CRYM: variants seen among roughly 807,000 people sequenced by gnomAD.
CRYM encodes crystallin mu.
CRYM carries 18 observed loss-of-function variants against 32.9 expected under a neutral mutation model. The ratio of observed to expected loss-of-function variants is 0.55; its 90% CI spans 0.38 to 0.81. The LOEUF is 0.81. CRYM is among the 30% of genes least tolerant of loss of function. CRYM has a pLI of 0.00. For missense variants in CRYM, 337 were observed against 393.5 expected (o/e 0.86, Z 1.21); for synonymous variants, 153 against 152.4 (o/e 1.00, Z -0.03).
At chr16:21,278,451 TGGG>T (rs1597622307), upstream of CRYM, 14 of 628,392 alleles carry the variant, frequency 2.2e-5, no homozygotes, top group East Asian at 3.8e-4. Context: ...GTGGGCGAGA[TGGG>T]TCCCTTCCAG....
At chr16:21,271,230 A>G (rs1271862636) in intron 3 of CRYM, among the ~76,000 whole-genome samples, 1 of 152,044 alleles carries the variant, frequency 6.6e-6, no homozygotes, top group East Asian at 1.9e-4. Flanking sequence ...GGGAACTAAA[A>G]ACGTCTGCAC....
intron 1 of CRYM, chr16:21,283,915 A>G (rs926296704): frequency 2.0e-5 from 3 of 152,736 alleles, no homozygotes; most frequent in Admixed American, 6.5e-5. Flanking sequence ...AGGAGCCCCA[A>G]CCAGATGGAC....
intron 1 of CRYM, among the ~76,000 whole-genome samples, chr16:21,296,545 CT>C (rs1028508436): frequency 1.6e-4 from 24 of 152,300 alleles, no homozygotes; most frequent in African/African-American, 5.8e-4. Context: ...AAACTGACCC[CT>C]AATCACTAAC....
chr16:21,294,547 C>T (rs967166326), intron 1 of CRYM, among the ~76,000 whole-genome samples: 1 of 152,044 alleles, frequency 6.6e-6, no homozygotes, highest in Non-Finnish European at 1.5e-5. Flanking sequence ...GTTCCCCTCC[C>T]TGTGCCCATG....
At chr16:21,263,958 T>G (rs745970877) in intron 5 of CRYM, among the ~76,000 whole-genome samples, 3 of 152,284 alleles carry the variant, frequency 2.0e-5, no homozygotes, top group Non-Finnish European at 2.9e-5. Flanking sequence ...GAAATCTATT[T>G]GCATATGTCA....
chr16:21,290,403 C>A (rs1339509673), intron 1 of CRYM, among the ~76,000 whole-genome samples: 1 of 152,032 alleles, frequency 6.6e-6, no homozygotes, highest in Admixed American at 6.6e-5. Flanking sequence ...TCAGCAAGAC[C>A]ACAAACCCAC....
chr16:21,262,177 G>T lies in CRYM; in HGVS notation c.674-19C>A. On this transcript the variant is annotated intron_variant, in intron 5 of 7. Transcript: ENST00000572914. Reference sequence around the variant, plus strand: ...CCAACAGCTAAGAGACAGCAAAACAGACCTTAAGCCCAGGATTAGTGCCAA... The same window carrying T: ...CCAACAGCTAAGAGACAGCAAAACATACCTTAAGCCCAGGATTAGTGCCAA... 6.2e-7 allele frequency: 1 copy of T among 1,613,876 alleles called. No individual in the cohort carries two copies. Among genetic ancestry groups the T allele is most frequent in the South Asian group, 1.1e-5 (1 of 91,026 alleles).
chr16:21,280,595 C>T (rs1335505403), upstream of CRYM, among the ~76,000 whole-genome samples: 1 of 152,108 alleles, frequency 6.6e-6, no homozygotes, highest in Admixed American at 6.5e-5. Context: ...GATCACAAGA[C>T]TGACAGAACA....
chr16:21,301,014 C>CA (rs1171785194), intron 1 of CRYM: 1 of 306 alleles, frequency 3.3e-3, no homozygotes, highest in Admixed American at 0.056. Context: ...ACAGAAGCCG[C>CA]AGGGCTGCGC....
At chr16:21,294,242 C>T (rs539124950) in intron 1 of CRYM, among the ~76,000 whole-genome samples, 7 of 152,312 alleles carry the variant, frequency 4.6e-5, no homozygotes, top group East Asian at 1.9e-4. Context: ...CAGGAGTGGT[C>T]GTGGTCTTGA....
chr16:21,300,886 T>C (rs541936482), intron 1 of CRYM: 22 of 152,296 alleles, frequency 1.4e-4, no homozygotes, highest in Admixed American at 3.9e-4. Context: ...GAGCAAGCAT[T>C]ATAGAACGTG....
At chr16:21,297,214 G>A (rs2152865803) in intron 1 of CRYM, among the ~76,000 whole-genome samples, 1 of 151,470 alleles carries the variant, frequency 6.6e-6, no homozygotes, top group East Asian at 2.0e-4. Flanking sequence ...TCAACATGGT[G>A]AAACCCCATC....
At chr16:21,284,145 T>G (rs1359241290) in intron 1 of CRYM, 5 of 151,980 alleles carry the variant, frequency 3.3e-5, no homozygotes, top group Non-Finnish European at 7.4e-5. Context: ...TTAACTTTTT[T>G]TTTTTTTTGG....
chr16:21,263,905 T>C (rs1371174807), intron 5 of CRYM, among the ~76,000 whole-genome samples: 1 of 152,236 alleles, frequency 6.6e-6, no homozygotes, highest in Non-Finnish European at 1.5e-5. Flanking sequence ...GTAGATCCAC[T>C]GTTACCAGAT....
chr16:21,262,310 T>C (rs2093356087), intron 5 of CRYM, 152 bp from the exon 6 acceptor site: 1 of 872,034 alleles, frequency 1.1e-6, no homozygotes, highest in East Asian at 2.9e-5. Context: ...TCCCAATCAG[T>C]AGGACGAAAT....
intron 1 of CRYM, among the ~76,000 whole-genome samples, chr16:21,286,262 G>C (rs2093407052): frequency 6.7e-6 from 1 of 150,350 alleles, no homozygotes; most frequent in Non-Finnish European, 1.5e-5. Context: ...CTATCGCCCA[G>C]GCTGGAATGC....
intron 1 of CRYM, among the ~76,000 whole-genome samples, chr16:21,290,383 TC>T (rs1960609980): frequency 1.3e-5 from 2 of 151,956 alleles, no homozygotes; most frequent in Admixed American, 1.3e-4. Flanking sequence ...CTGCAGCTTC[TC>T]TCCTGAGGTC....
intron 1 of CRYM, among the ~76,000 whole-genome samples, chr16:21,286,451 T>G (rs2093407464): frequency 6.6e-6 from 1 of 151,220 alleles, no homozygotes; most frequent in Non-Finnish European, 1.5e-5. Flanking sequence ...GGTCTTGAAC[T>G]CCTGACCTCA....
At chr16:21,286,686 CAAAG>C (rs1398977998) in intron 1 of CRYM, among the ~76,000 whole-genome samples, 2 of 152,092 alleles carry the variant, frequency 1.3e-5, no homozygotes, top group African/African-American at 2.4e-5. Context: ...AAATATGACT[CAAAG>C]AAAGTCAAGC....
Sources: allele counts gnomAD v4.1 joint callset (sites outside exome capture counted in the v4.1 genomes callset), GRCh38; gene constraint gnomAD v4.1.1; transcripts MANE v1.5; gene names NCBI Gene and HGNC (gene_info 2026-07-23, HGNC 2026-07-21).